TM7SF2: variants seen among roughly 807,000 people sequenced by gnomAD.
The protein encoded by TM7SF2 is delta(14)-sterol reductase TM7SF2.
Under a neutral mutation model 51.0 loss-of-function variants are expected in TM7SF2, and 51 were observed. The ratio of observed to expected loss-of-function variants is 1.00; its 90% confidence interval spans 0.80 to 1.26. The LOEUF is 1.26. Among genes scored for constraint, TM7SF2 ranks in the 50% most tolerant of loss-of-function variants. TM7SF2 has a pLI of 0.00. For missense variants in TM7SF2, 541 were observed against 547.4 expected (o/e 0.99, Z 0.12); for synonymous variants, 255 against 241.0 (o/e 1.06, Z -0.54).
Position 65,115,374 on chromosome 11 carries a change from C to T in TM7SF2, c.953C>T (p.Pro318Leu), listed in dbSNP as rs546134704. 9 of 1,614,204 alleles carry T rather than the reference C, an allele frequency of 5.6e-6. No individual in the cohort carries two copies. The highest frequency in any genetic ancestry group is 2.7e-5 in the African/African-American group (2 of 75,068). ...NSQKNTFRKNPSDPRVAGLET... is the reference protein window; with the variant it reads ...NSQKNTFRKNLSDPRVAGLET... ...CAGAAAAACACTTTCCGAAAGAATCCTTCTGACCCCAGAGTGGCTGGTGAG... is the reference window on the plus strand; with the variant it reads ...CAGAAAAACACTTTCCGAAAGAATCTTTCTGACCCCAGAGTGGCTGGTGAG... The change falls in exon 8 of 10, where the codon CCT (proline) becomes CTT (leucine). Residue 318 changes from proline to leucine, a missense_variant. Physicochemically the swap from Pro to Leu is moderately conservative, Grantham distance 98 (BLOSUM62 -3). Coordinates refer to ENST00000279263, the MANE Select transcript of TM7SF2 (RefSeq NM_003273.6).
In TM7SF2 at chr11:65,115,958, G is replaced by A; in HGVS notation, c.1162G>A (p.Ala388Thr). The change falls in exon 10 of 10, where the codon GCC (alanine) becomes ACC (threonine). Residue 388 changes from alanine to threonine, a missense_variant. Coordinates refer to ENST00000279263, the MANE Select transcript of TM7SF2 (RefSeq NM_003273.6). ...YFTALLVHRE[A>T]RDERQCLQKY... ...CACCGCGCTGCTGGTGCACCGTGAG[G>A]CCCGGGATGAGCGGCAGTGCCTGCA... 6 of 1,613,956 alleles carry A rather than the reference G, an allele frequency of 3.7e-6. No homozygotes were observed. The highest frequency in any genetic ancestry group is 5.1e-6 in the Non-Finnish European group (6 of 1,180,018).
At position 65,116,204 on chromosome 11, in the gene TM7SF2, G is replaced by C; in HGVS notation, c.*151G>C. 8.1e-7 allele frequency: 1 copy of C among 1,240,936 alleles called. No individual in the cohort carries two copies. 76.9% of individuals were successfully genotyped at this position (1,240,936 alleles called of 1,614,324 possible). On this transcript the variant is annotated 3_prime_UTR_variant, in exon 10 of 10. Transcript: ENST00000279263. ...TCAGAGAAGAGGTGGTTTAGAGCAAGGAAAAAAATGAAACCAGTGACCAAA... is the reference window on the plus strand; with the variant it reads ...TCAGAGAAGAGGTGGTTTAGAGCAACGAAAAAAATGAAACCAGTGACCAAA...
intron 3 of TM7SF2, 157 bp from the exon 4 acceptor site, chr11:65,113,063 C>A: frequency 9.6e-7 from 1 of 1,043,478 alleles, no homozygotes; most frequent in Non-Finnish European, 1.4e-6. Flanking sequence ...CTCCGTGCAC[C>A]ACAGCAGTGG....
chr11:65,113,473 C>T lies in TM7SF2; in HGVS notation c.500-18C>T. On this transcript the variant is annotated intron_variant, in intron 4 of 9. Transcript: ENST00000279263. Reference sequence around the variant, plus strand: ...ATTGGGGCGTCTGCCTGTACATTCACTCTCCAATATTCTCCAGGCAATCCG... The same window carrying T: ...ATTGGGGCGTCTGCCTGTACATTCATTCTCCAATATTCTCCAGGCAATCCG... The T allele has an allele frequency of 1.9e-6, 3 of 1,614,090 alleles. No homozygotes were observed. Among genetic ancestry groups the T allele is most frequent in the Non-Finnish European group, 2.5e-6 (3 of 1,179,904 alleles).
chr11:65,115,314 C>T lies in TM7SF2; in HGVS notation c.893C>T (p.Ala298Val). Residue 298 changes from alanine to valine, a missense_variant and splice_region_variant, in exon 8 of 10, where the codon GCT (alanine) becomes GTT (valine). Ala to Val is a moderately conservative substitution (Grantham distance 64). Transcript: ENST00000279263. ...CCACCGGTTCACACTCTCTCACCAG[C>T]TACTGGTTACTACATCTTCCGTGGG... ...PMASVICLIN[A>V]TGYYIFRGAN... 6.2e-7 allele frequency: 1 copy of T among 1,613,980 alleles called. No homozygotes were observed. Among genetic ancestry groups the T allele is most frequent in the Non-Finnish European group, 8.5e-7 (1 of 1,179,940 alleles).
chr11:65,114,730 C>T lies in TM7SF2; in HGVS notation c.621C>T (p.Ala207=). 1.2e-6 allele frequency: 2 copies of T among 1,614,202 alleles called. No homozygotes were observed. The highest frequency in any genetic ancestry group is 1.7e-5 in the Admixed American group (1 of 60,022). ...CTCCCCAGGTCCTCATCAACCTGGC[C>T]CTGTTGATGAAGGAGGCAGAGCTTC... ...GLIGWVLINL[A]LLMKEAELRG... is the part of the protein sequence containing the mutation. Residue 207 remains alanine (A), a synonymous_variant, in exon 6 of 10, where the codon GCC becomes GCT. Coordinates refer to ENST00000279263, the MANE Select transcript of TM7SF2 (RefSeq NM_003273.6).
At position 65,112,817 on chromosome 11, in the gene TM7SF2, G is replaced by A. The variant is rs1053859882; in HGVS notation, c.256G>A (p.Glu86Lys). The A allele has an allele frequency of 1.7e-5, 27 of 1,550,406 alleles. No homozygotes were observed. The highest frequency in any genetic ancestry group is 2.2e-5 in the Non-Finnish European group (25 of 1,146,992). ...LYLLPARKVAEGQELKDKSRL... is the reference protein window; with the variant it reads ...LYLLPARKVAKGQELKDKSRL... ...AGCCCCCTTGGACCCGCAGGTGGCC[G>A]AGGGGCAGGAATTGAAGGACAAGAG... The change falls in exon 3 of 10, where the codon GAG becomes AAG. Residue 86 changes from glutamate to lysine, a missense_variant. Glu to Lys is a moderately conservative substitution (Grantham distance 56, BLOSUM62 1). Coordinates refer to ENST00000279263, the MANE Select transcript of TM7SF2 (RefSeq NM_003273.6).
At chr11:65,114,541 A>C in intron 5 of TM7SF2, 172 bp from the exon 6 acceptor site, 1 of 764,536 alleles carries the variant, frequency 1.3e-6, no homozygotes, top group Non-Finnish European at 2.1e-6. Flanking sequence ...ACAAGGCAAG[A>C]AGAAACAGGC....
At chr11:65,113,181 G>A (rs772803032) in intron 3 of TM7SF2, 39 bp from the exon 4 acceptor site, 4 of 1,520,594 alleles carry the variant, frequency 2.6e-6, no homozygotes, top group Non-Finnish European at 3.5e-6. Context: ...GGGATGTGGA[G>A]GCGCGCAGCC....
chr11:65,115,775 A>G, intron 9 of TM7SF2, 118 bp from the exon 10 acceptor site: 1 of 1,579,964 alleles, frequency 6.3e-7, no homozygotes. Flanking sequence ...TTTGCTGCAG[A>G]CCCTGGCGCT....
chr11:65,113,156 T>G, intron 3 of TM7SF2, 64 bp from the exon 4 acceptor site: 1 of 1,461,332 alleles, frequency 6.8e-7, no homozygotes, highest in Non-Finnish European at 9.1e-7. Context: ...GGGCTCTGCG[T>G]GTGTTTGCGG....
intron 7 of TM7SF2, 93 bp downstream of exon 7, chr11:65,115,174 C>A: frequency 1.9e-6 from 3 of 1,592,400 alleles, no homozygotes; most frequent in Non-Finnish European, 2.6e-6. Context: ...AGGTGCTAAC[C>A]CCCAGGGTTC....
chr11:65,116,114 C>A lies in TM7SF2; in HGVS notation c.*61C>A. The A allele has an allele frequency of 6.4e-7, 1 of 1,561,902 alleles. No homozygotes were observed. The highest frequency in any genetic ancestry group is 2.3e-5 in the East Asian group (1 of 43,704). On this transcript the variant is annotated 3_prime_UTR_variant, in exon 10 of 10. Transcript: ENST00000279263. ...ACTCATCCACCAGCACACCCAGGAC[C>A]AGGAGCCTCGACACACTTGGGACTC...
At chr11:65,112,123 GC>G (rs2137198965) in intron 1 of TM7SF2, 56 bp downstream of exon 1, 1 of 1,534,984 alleles carries the variant, frequency 6.5e-7, no homozygotes. Context: ...GAGAGCTGGA[GC>G]GGGTGAACTA....
chr11:65,112,001 G>A lies in TM7SF2; in HGVS notation c.-15G>A, dbSNP rs974604580. 2.5e-6 allele frequency: 4 copies of A among 1,578,670 alleles called. No homozygotes were observed. Among genetic ancestry groups the A allele is most frequent in the African/African-American group, 1.3e-5 (1 of 74,628 alleles). ...ACTATTGTGAGCGCCCTCTCTCTCC[G>A]GCGGAGCGGAGACCATGGCCCCCAC... On this transcript the variant is annotated 5_prime_UTR_variant, in exon 1 of 10. Transcript: ENST00000279263.
At position 65,112,496 on chromosome 11, in the gene TM7SF2, G is replaced by A; in HGVS notation, c.53-19G>A. The A allele has an allele frequency of 2.0e-6, 3 of 1,506,726 alleles. No individual in the cohort carries two copies. The highest frequency in any genetic ancestry group is 2.6e-6 in the Non-Finnish European group (3 of 1,136,062). 93.3% of individuals were successfully genotyped at this position (1,506,726 alleles called of 1,614,324 possible). ...GGGGGGCTAGGGGCGGACGCCCGAC[G>A]TGATGGCCCTTCCCGCAGGCGCCGC... On this transcript the variant is annotated intron_variant, in intron 1 of 9. Transcript: ENST00000279263.
Position 65,116,055 on chromosome 11 carries a change from G to A in TM7SF2, c.*2G>A, listed in dbSNP as rs764876825. On this transcript the variant is annotated 3_prime_UTR_variant, in exon 10 of 10. Transcript: ENST00000279263. ...CGCATCATGCCCTACATCTACTGAA[G>A]CGGCTCCACCACCCCAGGTGGGGGC... 6.2e-6 allele frequency: 10 copies of A among 1,602,454 alleles called. No individual in the cohort carries two copies. The East Asian group carries it at 1.3e-4, about 21-fold the overall frequency.
chr11:65,113,333 A>G lies in TM7SF2; in HGVS notation c.418A>G (p.Thr140Ala). Residue 140 changes from threonine to alanine, a missense_variant, in exon 4 of 10, where the codon ACC becomes GCC. By Grantham distance (58) the Thr-to-Ala change is moderately conservative. Transcript: ENST00000279263. Reference protein sequence around the residue: ...LLPLAFVATLTAFIFSLFLYM... With the variant: ...LLPLAFVATLAAFIFSLFLYM... Reference sequence around the variant, plus strand: ...GCCCTTGGCGTTTGTCGCCACCCTCACCGCTTTCATCTTCAGCCTCTTTCT... The same window carrying G: ...GCCCTTGGCGTTTGTCGCCACCCTCGCCGCTTTCATCTTCAGCCTCTTTCT... 1 of 1,613,744 alleles carries G rather than the reference A, an allele frequency of 6.2e-7. No individual in the cohort carries two copies. Among genetic ancestry groups the G allele is most frequent in the Non-Finnish European group, 8.5e-7 (1 of 1,179,986 alleles).
Position 65,114,799 on chromosome 11 carries a change from G to C in TM7SF2, c.690G>C (p.Gln230His). The C allele has an allele frequency of 1.2e-6, 2 of 1,614,276 alleles. No homozygotes were observed. Among genetic ancestry groups the C allele is most frequent in the African/African-American group, 1.3e-5 (1 of 75,080 alleles). The change falls in exon 6 of 10, where the codon CAG becomes CAC. Residue 230 changes from glutamine to histidine, a missense_variant. Coordinates refer to ENST00000279263, the MANE Select transcript of TM7SF2 (RefSeq NM_003273.6). ...SLAMWLVNGF[Q>H]LLYVGDALWH... The stretch of plus-strand genomic sequence containing the variant: ...CCATGTGGCTGGTCAATGGCTTCCA[G>C]TTGCTCTACGTGGGTGATGCCCTCT...
Sources: allele counts gnomAD v4.1 joint callset, GRCh38; gene constraint gnomAD v4.1.1; transcripts MANE v1.5; gene names NCBI Gene and HGNC (gene_info 2026-07-23, HGNC 2026-07-21).